The following STK3 variants were observed in gnomAD, a reference collection of about 807,000 sequenced individuals.
STK3 encodes the protein serine/threonine-protein kinase 3.
STK3 carries 41 observed loss-of-function variants against 58.0 expected under a neutral mutation model. The ratio of observed to expected loss-of-function variants is 0.71; its 90% CI spans 0.55 to 0.92. The LOEUF (loss-of-function observed/expected upper bound fraction) is 0.92, where lower values mean the gene tolerates loss of function less well. STK3 is among the 40% of genes least tolerant of loss of function. The probability of loss-of-function intolerance (pLI) is 0.00; values close to 1 mark genes in which losing one functional copy is unlikely to be tolerated. For synonymous variants in STK3, 170 were observed against 191.0 expected (o/e 0.89, Z 0.91); for missense variants, 479 against 602.7 (o/e 0.79, Z 2.15).
In STK3 at chr8:98,734,999, T is replaced by G. The variant is rs180796688; in HGVS notation, c.351+14277A>C. On this transcript the variant is annotated intron_variant, in intron 4 of 10. Coordinates refer to ENST00000419617, the MANE Select transcript of STK3 (RefSeq NM_006281.4). ...TAAAAATCAGGGAACTAATGAAACA[T>G]TCTGGTATTTCACACATGCCAAGGT... is the stretch of plus-strand genomic sequence containing the variant. Among the ~76,000 whole-genome samples the G allele has an allele frequency of 3.5e-3, 527 of 152,280 alleles. 2 individuals are homozygous for G. Among genetic ancestry groups the G allele is most frequent in the Admixed American group, 6.1e-3 (93 of 15,306 alleles).
At chr8:98,344,100 T>A in the STK3 span, among the ~76,000 whole-genome samples, 1 of 152,194 alleles carries the variant, frequency 6.6e-6, no homozygotes, top group African/African-American at 2.4e-5. Flanking sequence ...CTGAAGTGCA[T>A]TTATTTGAAT....
Position 98,548,107 on chromosome 8 carries a change from C to G in STK3, c.1003G>C (p.Gly335Arg). 1 of 1,602,518 alleles carries G rather than the reference C, an allele frequency of 6.2e-7. No homozygotes were observed. Among genetic ancestry groups the G allele is most frequent in the Non-Finnish European group, 8.5e-7 (1 of 1,175,012 alleles). Residue 335 changes from glycine to arginine, a missense_variant, in exon 9 of 11, where the codon GGC (glycine) becomes CGC (arginine). Around this residue, in one of 3 missense-constraint regions of STK3, gnomAD observed 309 missense variants for 355.7 expected, o/e 0.87. Coordinates refer to ENST00000419617, the MANE Select transcript of STK3 (RefSeq NM_006281.4). ...TMVKTSVESV[G>R]TMRATSTMSE... ...ATCGTGCTTGTGGCCCGCATGGTGC[C>G]CACACTCTCCACACTAGTCTTCACC... is the stretch of plus-strand genomic sequence containing the variant.
intron 1 of STK3, among the ~76,000 whole-genome samples, chr8:98,885,061 G>A (rs540178384): frequency 6.6e-6 from 1 of 152,328 alleles, no homozygotes; most frequent in South Asian, 2.1e-4. Flanking sequence ...TGTTAACAAT[G>A]AGGAATGTGT....
At chr8:98,392,905 G>C (rs117400898), upstream of STK3, among the ~76,000 whole-genome samples, 1,545 of 152,280 alleles carry the variant, frequency 0.01, 8 homozygotes, top group Non-Finnish European at 0.014. Flanking sequence ...TTATTCAGCT[G>C]TATCCTGGAT....
intron 6 of STK3, among the ~76,000 whole-genome samples, chr8:98,654,242 A>T (rs1205113690): frequency 6.6e-6 from 1 of 152,246 alleles, no homozygotes; most frequent in Non-Finnish European, 1.5e-5. Context: ...CCACATGATT[A>T]TCTCAATAGA....
intron 6 of STK3, among the ~76,000 whole-genome samples, chr8:98,654,556 A>G (rs1019742947): frequency 6.6e-6 from 1 of 152,238 alleles, no homozygotes; most frequent in Non-Finnish European, 1.5e-5. Flanking sequence ...CCCTGTTTGC[A>G]GATGACATGA....
chr8:98,430,224 T>C (rs963054917), intron 3 of STK3: 1 of 167,098 alleles, frequency 6.0e-6, no homozygotes, highest in Non-Finnish European at 1.5e-5. Flanking sequence ...CTGAGCCCCT[T>C]GGTTCACAGT....
chr8:98,370,310 T>C (rs1817598691), downstream of STK3, among the ~76,000 whole-genome samples: 1 of 150,936 alleles, frequency 6.6e-6, no homozygotes, highest in Non-Finnish European at 1.5e-5. Flanking sequence ...GTTAAAAATA[T>C]ATCCTAACTC....
At chr8:98,922,794 T>C (rs545294006) in intron 1 of STK3, among the ~76,000 whole-genome samples, 3 of 152,396 alleles carry the variant, frequency 2.0e-5, no homozygotes, top group Non-Finnish European at 2.9e-5. Flanking sequence ...TCCTTTGATT[T>C]ATATAAATTA....
chr8:98,718,759 A>T (rs1181893496), intron 4 of STK3, among the ~76,000 whole-genome samples: 1 of 152,078 alleles, frequency 6.6e-6, no homozygotes, highest in African/African-American at 2.4e-5. Context: ...GTAAGTATTA[A>T]ATATGGTATT....
intron 9 of STK3, among the ~76,000 whole-genome samples, chr8:98,531,327 A>C (rs1826157669): frequency 6.6e-6 from 1 of 152,220 alleles, no homozygotes; most frequent in Non-Finnish European, 1.5e-5. Flanking sequence ...AAACAACATT[A>C]ATTTCCTTGC....
chr8:98,679,739 G>C (rs995340996), intron 6 of STK3, among the ~76,000 whole-genome samples: 42 of 152,146 alleles, frequency 2.8e-4, no homozygotes, highest in African/African-American at 9.7e-4. Context: ...CTCAGTTACA[G>C]TAATAGTTGG....
At chr8:98,938,988 C>T (rs1458035477) in intron 1 of STK3, among the ~76,000 whole-genome samples, 1 of 152,118 alleles carries the variant, frequency 6.6e-6, no homozygotes, top group African/African-American at 2.4e-5. Flanking sequence ...AAAGAAGGCA[C>T]CCGCACTTTT....
intron 6 of STK3, among the ~76,000 whole-genome samples, chr8:98,650,700 C>A (rs1212196869): frequency 6.6e-6 from 1 of 152,244 alleles, no homozygotes; most frequent in Non-Finnish European, 1.5e-5. Flanking sequence ...CCGCCCATGG[C>A]TCGGAGGGTC....
At chr8:98,420,711 A>C (rs960080835) in intron 3 of STK3, among the ~76,000 whole-genome samples, 5 of 152,188 alleles carry the variant, frequency 3.3e-5, no homozygotes, top group Non-Finnish European at 7.3e-5. Context: ...CTTAATGGGC[A>C]TCATTAAATG....
At chr8:98,679,837 G>C (rs539700954) in intron 6 of STK3, among the ~76,000 whole-genome samples, 2 of 152,328 alleles carry the variant, frequency 1.3e-5, no homozygotes, top group African/African-American at 4.8e-5. Flanking sequence ...TAGGGCAAGA[G>C]AGCTGAAGAA....
At chr8:98,469,263 G>C (rs980706068) in intron 10 of STK3, among the ~76,000 whole-genome samples, 1 of 148,990 alleles carries the variant, frequency 6.7e-6, no homozygotes. Flanking sequence ...GGGGGCGGGG[G>C]GGCGGTCTGA....
chr8:98,380,634 A>C (rs897982760), intron 1 of STK3, among the ~76,000 whole-genome samples: 1 of 152,208 alleles, frequency 6.6e-6, no homozygotes, highest in Non-Finnish European at 1.5e-5. Context: ...TCAGCAATGT[A>C]TGGATTACCT....
Position 98,543,548 on chromosome 8 carries a change from C to T in STK3, c.1141+4421G>A, listed in dbSNP as rs1027859294. ...CTTCCATGAAGGGTGAAGGAAGAAA[C>T]GGAAATTAAGAATGACTCAATTTTT... On this transcript the variant is annotated intron_variant, in intron 9 of 10. Coordinates refer to ENST00000419617, the MANE Select transcript of STK3 (RefSeq NM_006281.4). Among the ~76,000 whole-genome samples, 5 of 152,106 alleles carry T rather than the reference C, an allele frequency of 3.3e-5. No homozygotes were observed. The East Asian group carries it at 7.7e-4, about 23-fold the overall frequency.
Sources: allele counts gnomAD v4.1 joint callset (sites outside exome capture counted in the v4.1 genomes callset), GRCh38; gene constraint gnomAD v4.1.1; regional missense constraint gnomAD v4.1.1; transcripts MANE v1.5; gene names NCBI Gene and HGNC (gene_info 2026-07-23, HGNC 2026-07-21).